MYOM1: variants seen among roughly 807,000 people sequenced by gnomAD.
The protein encoded by MYOM1 is myomesin 1, also known as myomesin-1.
A neutral mutation model predicts 205.3 loss-of-function variants in MYOM1; 164 were observed. That is an observed-to-expected ratio of 0.80 (90% confidence interval 0.70 to 0.91). The LOEUF (loss-of-function observed/expected upper bound fraction) is 0.91. Ranked by LOEUF, MYOM1 falls within the 40% of genes least tolerant of loss-of-function variation. MYOM1 has a pLI of 0.00. For missense variants in MYOM1, 2,011 were observed against 2,127.3 expected (o/e 0.95, Z 1.08); for synonymous variants, 772 against 789.4 (o/e 0.98, Z 0.37).
At chr18:3,167,987 A>G (rs530248499) in intron 9 of MYOM1, among the ~76,000 whole-genome samples, 2 of 152,338 alleles carry the variant, frequency 1.3e-5, no homozygotes, top group African/African-American at 4.8e-5. Context: ...CTGTTATAAT[A>G]TGATGTAAAA....
At position 3,126,808 on chromosome 18, in the gene MYOM1, CT is replaced by C; in HGVS notation, c.2883del (p.Ala963GlnfsTer8). ...ACATAATAGCCAGTAATTTCTGCCCCTCCAATCTTATCTGGTTGCTTCCATC... is the reference window on the plus strand; with the variant it reads ...ACATAATAGCCAGTAATTTCTGCCCCCCAATCTTATCTGGTTGCTTCCATC... ...VLGWKQPDKI[G>X]GAEITGYYVN... On this transcript the variant is annotated frameshift_variant, in exon 19 of 38. Coordinates refer to ENST00000356443, the MANE Select transcript of MYOM1 (RefSeq NM_003803.4). LOFTEE classifies it high-confidence loss of function. 1 of 1,613,838 alleles carries C rather than the reference CT, an allele frequency of 6.2e-7. No homozygotes were observed.
intron 16 of MYOM1, among the ~76,000 whole-genome samples, chr18:3,133,415 G>T (rs749884844): frequency 2.2e-4 from 34 of 152,072 alleles, no homozygotes; most frequent in Admixed American, 2.6e-4. Flanking sequence ...CCATCAATGT[G>T]CAAAGCTGAT....
rs529976544 is a variant in MYOM1, at chr18:3,194,420, T to C, written c.291-462A>G. ...TTTACACTGAGACCTTTATGTATTA[T>C]AGGCAACTCCTGCCTTTGAAGGGAC... On this transcript the variant is annotated intron_variant, in intron 2 of 37. Coordinates refer to ENST00000356443, the MANE Select transcript of MYOM1 (RefSeq NM_003803.4). Among the ~76,000 whole-genome samples the C allele has an allele frequency of 3.0e-4, 45 of 152,366 alleles. No homozygotes were observed. In the South Asian group the frequency reaches 8.9e-3, roughly 30 times the overall value.
intron 17 of MYOM1, 72 bp from the exon 18 acceptor site, chr18:3,129,591 C>G: frequency 2.0e-6 from 3 of 1,477,324 alleles, no homozygotes. Flanking sequence ...TAGGATAGAA[C>G]AAAGAGAAAA....
intron 22 of MYOM1, among the ~76,000 whole-genome samples, chr18:3,104,216 G>A (rs1202492575): frequency 2.0e-5 from 3 of 152,180 alleles, no homozygotes; most frequent in African/African-American, 7.2e-5. Flanking sequence ...ACACTGAAGA[G>A]TGTTGAGGTT....
At chr18:3,225,188 C>T in the MYOM1 span, among the ~76,000 whole-genome samples, 22 of 151,518 alleles carry the variant, frequency 1.5e-4, no homozygotes, top group East Asian at 1.4e-3. Context: ...AGAGTTTCAC[C>T]GTGTTAGCCA....
chr18:3,099,703 T>C (rs1450029249), intron 25 of MYOM1, among the ~76,000 whole-genome samples: 1 of 152,254 alleles, frequency 6.6e-6, no homozygotes, highest in East Asian at 1.9e-4. Context: ...TTGCCCAATT[T>C]TCCAGGAGTT....
rs2079107358 is a variant in MYOM1 at position 3,083,388 on chromosome 18, T to C, written c.4484+401A>G. Among the ~76,000 whole-genome samples the C allele has an allele frequency of 2.0e-5, 3 of 151,338 alleles. No homozygotes were observed. In the East Asian group the frequency reaches 5.8e-4, roughly 29 times the overall value. On this transcript the variant is annotated intron_variant, in intron 33 of 37. Coordinates refer to ENST00000356443, the MANE Select transcript of MYOM1 (RefSeq NM_003803.4). ...CCCCTCTTCCAGTGGGGAAAGAATTTCTTTTTCTTTCTTTCTTTTCTTTTT... is the reference window on the plus strand; with the variant it reads ...CCCCTCTTCCAGTGGGGAAAGAATTCCTTTTTCTTTCTTTCTTTTCTTTTT...
the MYOM1 span, among the ~76,000 whole-genome samples, chr18:3,230,138 T>C: frequency 6.6e-6 from 1 of 152,320 alleles, no homozygotes; most frequent in East Asian, 1.9e-4. Flanking sequence ...ATTATTAATC[T>C]GTTAATGTGA....
At chr18:3,240,760 G>A in the MYOM1 span, among the ~76,000 whole-genome samples, 1 of 152,208 alleles carries the variant, frequency 6.6e-6, no homozygotes, top group Admixed American at 6.5e-5. Flanking sequence ...AGAGGAAAAT[G>A]TGGAAAAGTT....
Position 3,169,124 on chromosome 18 carries a change from C to CAT in MYOM1, c.1175-144_1175-143insAT, listed in dbSNP as rs2080516465. 4.2e-6 allele frequency: 3 copies of CAT among 718,430 alleles called. No individual in the cohort carries two copies. The African/African-American group carries it at 5.5e-5, about 13-fold the overall frequency. The allele number at this position is 718,430 out of a possible 1,614,324, so 44.5% of individuals were successfully genotyped here. A position where few individuals can be genotyped will look rare whatever the true frequency, so the allele number is the denominator to read the frequency against. ...TGATTTAACTGGGTCAAAATGAAAC[C>CAT]GTACATAAGAAGTATTTAGAACATA... On this transcript the variant is annotated intron_variant, in intron 8 of 37. Coordinates refer to ENST00000356443, the MANE Select transcript of MYOM1 (RefSeq NM_003803.4).
chr18:3,165,135 C>T lies in MYOM1; in HGVS notation c.1340-696G>A, dbSNP rs370514509. Among the ~76,000 whole-genome samples the T allele has an allele frequency of 8.9e-4, 136 of 152,230 alleles. 1 individual carries two copies. In the South Asian group the frequency reaches 0.023, roughly 26 times the overall value. ...AACTATTTCAAAATATAAATTTTAG[C>T]AATCTAGAACTGATGACTCCAGATT... On this transcript the variant is annotated intron_variant, in intron 9 of 37. Transcript: ENST00000356443.
chr18:3,137,352 G>A (rs2079985894), intron 14 of MYOM1, among the ~76,000 whole-genome samples: 1 of 152,186 alleles, frequency 6.6e-6, no homozygotes, highest in Admixed American at 6.5e-5. Flanking sequence ...AAATCAGTAT[G>A]TCAAGGAGAT....
intron 2 of MYOM1, among the ~76,000 whole-genome samples, chr18:3,204,940 G>T (rs568216112): frequency 2.0e-5 from 3 of 152,110 alleles, no homozygotes; most frequent in Middle Eastern, 3.4e-3. Flanking sequence ...TTTGATAAAG[G>T]TATCAAGAAA....
intron 8 of MYOM1, among the ~76,000 whole-genome samples, chr18:3,170,241 T>C (rs1175964585): frequency 1.3e-5 from 2 of 152,160 alleles, no homozygotes; most frequent in Non-Finnish European, 2.9e-5. Context: ...TAATAATTTA[T>C]TGCATATTTT....
intron 25 of MYOM1, among the ~76,000 whole-genome samples, chr18:3,095,073 T>C (rs1025652090): frequency 7.2e-5 from 11 of 152,220 alleles, no homozygotes; most frequent in Non-Finnish European, 1.3e-4. Flanking sequence ...ATGATTTTCT[T>C]TGCATTATTC....
At chr18:3,092,774 TC>T (rs1446043228) in intron 26 of MYOM1, among the ~76,000 whole-genome samples, 2 of 152,016 alleles carry the variant, frequency 1.3e-5, no homozygotes, top group Non-Finnish European at 2.9e-5. Flanking sequence ...TTGCTTAGCA[TC>T]CCCCCATCCT....
chr18:3,085,925 A>T (rs1403707416), intron 30 of MYOM1, 113 bp downstream of exon 30: 8 of 646,368 alleles, frequency 1.2e-5, no homozygotes, highest in African/African-American at 1.1e-4. Flanking sequence ...AGTTGGAAGT[A>T]AGCTAATATA....
chr18:3,091,150 T>C (rs1297776375), intron 26 of MYOM1, among the ~76,000 whole-genome samples: 1 of 152,008 alleles, frequency 6.6e-6, no homozygotes, highest in East Asian at 1.9e-4. Context: ...ACCCCGTCTC[T>C]ACTAAAAACA....
Sources: allele counts gnomAD v4.1 joint callset (sites outside exome capture counted in the v4.1 genomes callset), GRCh38; gene constraint gnomAD v4.1.1; transcripts MANE v1.5; gene names NCBI Gene and HGNC (gene_info 2026-07-23, HGNC 2026-07-21).